Variants in IFT140 observed in about 807,000 individuals in gnomAD.
IFT140 encodes intraflagellar transport protein 140 homolog.
IFT140 carries 133 observed loss-of-function variants against 164.6 expected under a neutral mutation model. That is an observed-to-expected ratio of 0.81 (90% CI 0.70 to 0.93). The LOEUF is 0.93. IFT140 is among the 40% of genes least tolerant of loss of function. The probability of loss-of-function intolerance (pLI) is 0.00; values close to 1 mark genes in which losing one functional copy is unlikely to be tolerated. For missense variants in IFT140, 2,045 were observed against 1,972.3 expected (o/e 1.04, Z -0.70); for synonymous variants, 860 against 817.3 (o/e 1.05, Z -0.89).
chr16:1,518,267 G>A lies in IFT140; in HGVS notation c.4131C>T (p.Asp1377=), dbSNP rs751862515. 4.5e-5 allele frequency: 73 copies of A among 1,614,116 alleles called. No homozygotes were observed. The highest frequency in any genetic ancestry group is 5.6e-5 in the Non-Finnish European group (66 of 1,180,006). ...AGTGCTCCACCAGGAAGCCATAGAC[G>A]TCCCCGATGCGGATGGTGCTGTCCA... ...PDLDSTIRIG[D]VYGFLVEHYV... Residue 1377 remains aspartate (D), a synonymous_variant, in exon 30 of 31, where the codon GAC becomes GAT. Transcript: ENST00000426508.
At chr16:1,583,062 G>A (rs949950430) in intron 12 of IFT140, among the ~76,000 whole-genome samples, 1 of 152,190 alleles carries the variant, frequency 6.6e-6, no homozygotes, top group African/African-American at 2.4e-5. Context: ...AAGATGGGAG[G>A]CAGCCACCTC....
chr16:1,525,096 G>T, intron 22 of IFT140, 135 bp downstream of exon 22: 1 of 1,166,678 alleles, frequency 8.6e-7, no homozygotes, highest in Non-Finnish European at 1.2e-6. Context: ...GCCCTGGCAT[G>T]GCTCTGAGGA....
At chr16:1,541,905 T>C in intron 19 of IFT140, 2 of 1,576,080 alleles carry the variant, frequency 1.3e-6, no homozygotes, top group East Asian at 2.3e-5. Context: ...ACTGCCTCTC[T>C]GCTCTTGGCC....
At chr16:1,537,576 C>T (rs917231846) in intron 19 of IFT140, among the ~76,000 whole-genome samples, 6 of 152,190 alleles carry the variant, frequency 3.9e-5, no homozygotes, top group Non-Finnish European at 8.8e-5. Context: ...ACTTTCATTA[C>T]GGATCAGGGG....
In IFT140 at chr16:1,511,034, G is replaced by C; in HGVS notation, c.4299C>G (p.Arg1433=). Residue 1433 remains arginine, a synonymous_variant, in exon 31 of 31, where the codon CGC becomes CGG. Transcript: ENST00000426508. ...VHRGLGLPLP[R]TVPEQVRHNS... ...TGTGGCGGACCTGCTCGGGGACGGTGCGTGGCAGTGGGAGACCCAGCCCCC... is the reference window on the plus strand; with the variant it reads ...TGTGGCGGACCTGCTCGGGGACGGTCCGTGGCAGTGGGAGACCCAGCCCCC... 6.2e-7 allele frequency: 1 copy of C among 1,606,522 alleles called. No individual in the cohort carries two copies. The highest frequency in any genetic ancestry group is 1.1e-5 in the South Asian group (1 of 89,984).
At position 1,525,473 on chromosome 16, in the gene IFT140, G is replaced by C. The variant is rs184997753; in HGVS notation, c.2769-147C>G. The C allele has an allele frequency of 1.0e-4, 69 of 679,038 alleles. No individual in the cohort carries two copies. In the African/African-American group the frequency reaches 1.1e-3, roughly 11 times the overall value. 42.1% of individuals were successfully genotyped at this position (679,038 alleles called of 1,614,324 possible). A position where few individuals can be genotyped will look rare whatever the true frequency, so the allele number is the denominator to read the frequency against. Reference sequence around the variant, plus strand: ...TGGCCTGCAGCTCTGCAGACCCTGAGCACACGTGGCCAGGGGGCAGTGGGG... The same window carrying C: ...TGGCCTGCAGCTCTGCAGACCCTGACCACACGTGGCCAGGGGGCAGTGGGG... On this transcript the variant is annotated intron_variant, in intron 21 of 30. Coordinates refer to ENST00000426508, the MANE Select transcript of IFT140 (RefSeq NM_014714.4).
In IFT140 at chr16:1,592,647, G is replaced by A. The variant is rs2035242013; in HGVS notation, c.370-59C>T. 5 of 1,566,974 alleles carry A rather than the reference G, an allele frequency of 3.2e-6. No individual in the cohort carries two copies. The South Asian group carries it at 4.7e-5, about 15-fold the overall frequency. The stretch of plus-strand genomic sequence containing the variant: ...TGTCCCGGCAGAGCGACTGGTGGAG[G>A]GACAGGTGTCCTGGCAGAGCGACTG... On this transcript the variant is annotated intron_variant, in intron 4 of 30. Transcript: ENST00000426508.
intron 13 of IFT140, 198 bp downstream of exon 13, chr16:1,580,561 T>C (rs1297381372): frequency 2.0e-6 from 1 of 491,934 alleles, no homozygotes; most frequent in Non-Finnish European, 3.6e-6. Context: ...TCCGCAGTCA[T>C]GCTTCCTGTA....
chr16:1,583,258 G>A, intron 12 of IFT140, 56 bp downstream of exon 12: 1 of 1,460,412 alleles, frequency 6.8e-7, no homozygotes, highest in Non-Finnish European at 9.6e-7. Context: ...TCATTAGGCA[G>A]GGAGGAAATA....
intron 11 of IFT140, 147 bp downstream of exon 11, chr16:1,584,070 G>A (rs2034730202): frequency 1.5e-6 from 1 of 662,840 alleles, no homozygotes; most frequent in Non-Finnish European, 2.6e-6. Flanking sequence ...TGAATATAAT[G>A]TACATGGATA....
rs1014127896 is a variant in IFT140 at position 1,526,014 on chromosome 16, C to G, written c.2641G>C (p.Ala881Pro). ...RHDLLNKFYQ[A>P]AGRWQEALQV... ...AGGGCCTCCTGCCACCGGCCCGCAG[C>G]CTGGTAGAACTTGTTCAGGAGGTCG... is the stretch of plus-strand genomic sequence containing the variant. The change falls in exon 21 of 31, where the codon GCT becomes CCT. Residue 881 changes from alanine (A) to proline (P), a missense_variant. Ala to Pro is a conservative substitution (Grantham distance 27). Coordinates refer to ENST00000426508, the MANE Select transcript of IFT140 (RefSeq NM_014714.4). 6.2e-7 allele frequency: 1 copy of G among 1,601,742 alleles called. No homozygotes were observed. The highest frequency in any genetic ancestry group is 1.3e-5 in the African/African-American group (1 of 74,720).
In IFT140 at chr16:1,510,463, G is replaced by A; in HGVS notation, c.*481C>T. 4.3e-6 allele frequency: 1 copy of A among 232,058 alleles called. No individual in the cohort carries two copies. The highest frequency in any genetic ancestry group is 5.5e-5 in the South Asian group (1 of 18,030). The allele number at this position is 232,058 out of a possible 1,614,324, so 14.4% of individuals were successfully genotyped here. On this transcript the variant is annotated 3_prime_UTR_variant, in exon 31 of 31. Transcript: ENST00000426508. ...AAACTGCTTTATTGGAATTACAGGA[G>A]TGTTGGTGGCCGGTGGGCAGAGCCT...
At chr16:1,526,142 C>G in intron 20 of IFT140, 65 bp from the exon 21 acceptor site, 7 of 1,415,328 alleles carry the variant, frequency 4.9e-6, no homozygotes, top group Admixed American at 2.1e-5. Context: ...ACACACTGTT[C>G]CACGCCAGGC....
At chr16:1,580,903 T>C in intron 12 of IFT140, 53 bp from the exon 13 acceptor site, 1 of 1,282,846 alleles carries the variant, frequency 7.8e-7, no homozygotes, top group Non-Finnish European at 1.1e-6. Context: ...CCAGACTTGC[T>C]GGGAGTTTCA....
In IFT140 at chr16:1,520,237, GA is replaced by G. The variant is rs1380948855; in HGVS notation, c.3766del (p.Ser1256ProfsTer11). 1 of 1,614,128 alleles carries G rather than the reference GA, an allele frequency of 6.2e-7. No individual in the cohort carries two copies. The highest frequency in any genetic ancestry group is 8.5e-7 in the Non-Finnish European group (1 of 1,180,054). ...CTCCGGCTCCTTCCGCCAGTCCAGGGACTGCAGGTAGTTAGCAGCCATGATG... is the reference window on the plus strand; with the variant it reads ...CTCCGGCTCCTTCCGCCAGTCCAGGGCTGCAGGTAGTTAGCAGCCATGATG... Reference protein sequence around the residue: ...IYIMAANYLQSLDWRKEPEIM... With the variant: ...IYIMAANYLQXLDWRKEPEIM... On this transcript the variant is annotated frameshift_variant, in exon 28 of 31. Coordinates refer to ENST00000426508, the MANE Select transcript of IFT140 (RefSeq NM_014714.4). LOFTEE classifies it high-confidence loss of function.
At chr16:1,544,578 C>T (rs1051571925) in intron 19 of IFT140, among the ~76,000 whole-genome samples, 1 of 151,992 alleles carries the variant, frequency 6.6e-6, no homozygotes, top group Non-Finnish European at 1.5e-5. Flanking sequence ...GATCCACCCA[C>T]CTCAGCCTCC....
At chr16:1,548,721 C>T (rs935236760) in intron 19 of IFT140, among the ~76,000 whole-genome samples, 3 of 152,208 alleles carry the variant, frequency 2.0e-5, no homozygotes, top group Non-Finnish European at 2.9e-5. Context: ...ATCTCCCCCA[C>T]GTAGGGAAGG....
chr16:1,596,730 C>CA (rs1332282242), intron 4 of IFT140, among the ~76,000 whole-genome samples: 1 of 152,122 alleles, frequency 6.6e-6, no homozygotes, highest in Non-Finnish European at 1.5e-5. Flanking sequence ...GCATGAAGTA[C>CA]AAGACGTAGA....
intron 4 of IFT140, among the ~76,000 whole-genome samples, chr16:1,594,323 T>G (rs1422745650): frequency 6.6e-6 from 1 of 152,002 alleles, no homozygotes. Flanking sequence ...AGGGCTCCTG[T>G]GATCCTCCCA....
Sources: gnomAD v4.1 joint callset for allele counts (sites outside exome capture counted in the v4.1 genomes callset) on GRCh38, gnomAD v4.1.1 for gene constraint, MANE v1.5 for transcripts, NCBI Gene and HGNC (gene_info 2026-07-23, HGNC 2026-07-21) for gene names.